The following CORO2B variants were observed in gnomAD, a reference collection of about 807,000 sequenced individuals.
CORO2B encodes coronin-2B.
A neutral mutation model predicts 58.8 loss-of-function variants in CORO2B; 26 were observed. That is an observed-to-expected ratio of 0.44 (90% CI 0.32 to 0.61). CORO2B has a LOEUF of 0.61. CORO2B is among the 20% of genes least tolerant of loss of function. The probability of loss-of-function intolerance (pLI) is 0.04; values close to 1 mark genes in which losing one functional copy is unlikely to be tolerated. For missense variants in CORO2B, 460 were observed against 645.1 expected (o/e 0.71, Z 3.11); for synonymous variants, 242 against 253.8 (o/e 0.95, Z 0.44).
chr15:68,719,580 A>G (rs755782066), intron 11 of CORO2B, 28 bp downstream of exon 11: 1 of 1,594,670 alleles, frequency 6.3e-7, no homozygotes, highest in Non-Finnish European at 8.5e-7. Flanking sequence ...TTACCTCCAC[A>G]GGCCCTGGAA....
chr15:68,611,880 T>C (rs1456969087), intron 1 of CORO2B, among the ~76,000 whole-genome samples: 1 of 151,860 alleles, frequency 6.6e-6, no homozygotes, highest in African/African-American at 2.4e-5. Context: ...CAAGTGATCC[T>C]CCCACCTCAG....
At chr15:68,606,860 C>T (rs1212066500) in intron 1 of CORO2B, among the ~76,000 whole-genome samples, 5 of 152,128 alleles carry the variant, frequency 3.3e-5, no homozygotes, top group African/African-American at 1.2e-4. Flanking sequence ...TACGGGACCC[C>T]TGGAGCTGTT....
At chr15:68,579,572 C>T (rs912488735) in intron 1 of CORO2B, among the ~76,000 whole-genome samples, 19 of 152,178 alleles carry the variant, frequency 1.2e-4, no homozygotes, top group African/African-American at 4.6e-4. Context: ...CATTTTTAAC[C>T]CCTGGAGAGC....
chr15:68,586,299 T>C, intron 1 of CORO2B, among the ~76,000 whole-genome samples: 1 of 152,160 alleles, frequency 6.6e-6, no homozygotes, highest in East Asian at 1.9e-4. Flanking sequence ...ATGAGTGTCC[T>C]GGGGCTTATG....
At chr15:68,547,530 G>C in the CORO2B span, among the ~76,000 whole-genome samples, 395 of 152,186 alleles carry the variant, frequency 2.6e-3, 2 homozygotes, top group Non-Finnish European at 3.5e-3. Context: ...TTTTAGTAGA[G>C]ACGGGGTTTT....
At chr15:68,721,904 T>C (rs1377643049) in intron 11 of CORO2B, among the ~76,000 whole-genome samples, 1 of 152,020 alleles carries the variant, frequency 6.6e-6, no homozygotes, top group Non-Finnish European at 1.5e-5. Flanking sequence ...TGTACCACCA[T>C]ACCCAACTAA....
chr15:68,525,280 A>G, the CORO2B span, among the ~76,000 whole-genome samples: 2 of 152,382 alleles, frequency 1.3e-5, no homozygotes, highest in African/African-American at 4.8e-5. Flanking sequence ...GGGGACAGAT[A>G]CAAACTTCAT....
rs1313768286 is a variant in CORO2B at position 68,610,626 on chromosome 15, A to G, written c.15+31349A>G. ...GAAACCTAGTCCCAGACTAGATCCTATGTCTGCTTCTATACCTGAGTATAT... is the reference window on the plus strand; with the variant it reads ...GAAACCTAGTCCCAGACTAGATCCTGTGTCTGCTTCTATACCTGAGTATAT... On this transcript the variant is annotated intron_variant, in intron 1 of 11. Coordinates refer to ENST00000261861, the MANE Select transcript of CORO2B (RefSeq NM_006091.5). 4.6e-5 allele frequency among the ~76,000 whole-genome samples: 7 copies of G among 152,058 alleles called. No homozygotes were observed. The South Asian group carries it at 8.3e-4, about 18-fold the overall frequency.
chr15:68,631,960 G>A, intron 1 of CORO2B: 1 of 985,496 alleles, frequency 1.0e-6, no homozygotes, highest in Non-Finnish European at 1.2e-6. Flanking sequence ...CAGCATCGCT[G>A]GAGTGGGCTC....
chr15:68,641,735 A>AT (rs921875795), intron 1 of CORO2B: 4 of 326,850 alleles, frequency 1.2e-5, no homozygotes, highest in Admixed American at 6.5e-5. Context: ...TTTTTTATTT[A>AT]TTTTTTTGAG....
intron 1 of CORO2B, among the ~76,000 whole-genome samples, chr15:68,624,058 G>A (rs542659441): frequency 2.0e-5 from 3 of 152,280 alleles, no homozygotes; most frequent in South Asian, 2.1e-4. Context: ...CTGGGGTGGC[G>A]GGTCCTGCTG....
chr15:68,617,609 A>T (rs1182948162), intron 1 of CORO2B, among the ~76,000 whole-genome samples: 1 of 152,208 alleles, frequency 6.6e-6, no homozygotes, highest in African/African-American at 2.4e-5. Flanking sequence ...CTCAGTGTGA[A>T]TAGTAGGACC....
At chr15:68,701,719 C>G (rs532402754) in intron 3 of CORO2B, among the ~76,000 whole-genome samples, 1 of 151,960 alleles carries the variant, frequency 6.6e-6, no homozygotes, top group African/African-American at 2.4e-5. Flanking sequence ...CTCCTGACCT[C>G]GTGATCTGCC....
chr15:68,596,716 T>C lies in CORO2B; in HGVS notation c.15+17439T>C, dbSNP rs374359312. 7.9e-5 allele frequency among the ~76,000 whole-genome samples: 12 copies of C among 152,248 alleles called. No individual in the cohort carries two copies. The South Asian group carries it at 2.5e-3, about 32-fold the overall frequency. The stretch of plus-strand genomic sequence containing the variant: ...AGGCAGCAGGCACAGGGAAGATGCA[T>C]CTTCAGGCCTTGGGGATGGTGTGGG... On this transcript the variant is annotated intron_variant, in intron 1 of 11. Coordinates refer to ENST00000261861, the MANE Select transcript of CORO2B (RefSeq NM_006091.5).
At chr15:68,687,334 G>A (rs1230338719) in intron 2 of CORO2B, among the ~76,000 whole-genome samples, 2 of 152,212 alleles carry the variant, frequency 1.3e-5, no homozygotes, top group African/African-American at 4.8e-5. Flanking sequence ...TTGCTTCCAT[G>A]TACAAAATTC....
At chr15:68,607,280 G>C (rs968249848) in intron 1 of CORO2B, among the ~76,000 whole-genome samples, 1 of 150,286 alleles carries the variant, frequency 6.7e-6, no homozygotes, top group Non-Finnish European at 1.5e-5. Context: ...GACTGGGCTG[G>C]GACTGTTGAC....
intron 3 of CORO2B, among the ~76,000 whole-genome samples, chr15:68,701,503 T>TTTTTTTTTA (rs1567013965): frequency 8.6e-6 from 1 of 116,772 alleles, no homozygotes; most frequent in Non-Finnish European, 1.7e-5. Flanking sequence ...TTTTTTTTTT[T>TTTTTTTTTA]GAGACGGAGT....
At chr15:68,575,718 C>T (rs1272060962), upstream of CORO2B, among the ~76,000 whole-genome samples, 2 of 152,220 alleles carry the variant, frequency 1.3e-5, no homozygotes, top group East Asian at 1.9e-4. Context: ...CAATCTTCCA[C>T]TCCTGTGATC....
intron 1 of CORO2B, among the ~76,000 whole-genome samples, chr15:68,624,225 C>A (rs1482630146): frequency 1.3e-5 from 2 of 152,128 alleles, no homozygotes; most frequent in Non-Finnish European, 2.9e-5. Flanking sequence ...TAGAATCAGC[C>A]ATGGCACAAG....
Sources: gnomAD v4.1 joint callset for allele counts (sites outside exome capture counted in the v4.1 genomes callset) on GRCh38, gnomAD v4.1.1 for gene constraint, MANE v1.5 for transcripts, NCBI Gene and HGNC (gene_info 2026-07-23, HGNC 2026-07-21) for gene names.